ATAD5: variants seen among roughly 807,000 people sequenced by gnomAD.
ATAD5 encodes the protein ATPase family AAA domain-containing protein 5.
In ATAD5, 58 loss-of-function variants were observed where a neutral mutation model predicts 176.9. That is an observed-to-expected ratio of 0.33 (90% CI 0.27 to 0.41). The LOEUF is 0.41. Ranked by LOEUF, ATAD5 falls within the 10% of genes least tolerant of loss-of-function variation. ATAD5 has a pLI of 1.00. For missense variants in ATAD5, 1,789 were observed against 2,094.1 expected (o/e 0.85, Z 2.84); for synonymous variants, 640 against 712.6 (o/e 0.90, Z 1.62).
In ATAD5 at chr17:30,893,446, A is replaced by G; in HGVS notation, c.4593A>G (p.Pro1531=). The change falls in exon 21 of 23, where the codon CCA becomes CCG. Residue 1531 remains proline (P), a synonymous_variant. Transcript: ENST00000321990. ...TIPETKNFCG[P]SVTVDASAAT... is the part of the protein sequence containing the mutation. ...CAGAAACTAAAAACTTTTGTGGCCC[A>G]TCAGTAACTGTGGATGCCAGTGCAG... The G allele has an allele frequency of 6.2e-7, 1 of 1,613,962 alleles. No individual in the cohort carries two copies. The highest frequency in any genetic ancestry group is 2.2e-5 in the East Asian group (1 of 44,868).
chr17:30,833,590 T>C (rs1905510695), intron 1 of ATAD5, among the ~76,000 whole-genome samples: 1 of 152,228 alleles, frequency 6.6e-6, no homozygotes, highest in African/African-American at 2.4e-5. Flanking sequence ...TTAACTTAGA[T>C]TTGCCTGACT....
rs567444847 is a variant in ATAD5 at position 30,838,766 on chromosome 17, A to G, written c.2076+1452A>G. On this transcript the variant is annotated intron_variant, in intron 3 of 22. Transcript: ENST00000321990. ...GTACTACTTAAAATTGGGATTTAATAGTAAATTTTCCAGCAAGAGAAGTCT... is the reference window on the plus strand; with the variant it reads ...GTACTACTTAAAATTGGGATTTAATGGTAAATTTTCCAGCAAGAGAAGTCT... Among the ~76,000 whole-genome samples, 3 of 152,334 alleles carry G rather than the reference A, an allele frequency of 2.0e-5. No homozygotes were observed. The East Asian group carries it at 5.8e-4, about 29-fold the overall frequency.
intron 14 of ATAD5, among the ~76,000 whole-genome samples, chr17:30,873,935 G>A (rs972095303): frequency 1.3e-5 from 2 of 152,082 alleles, no homozygotes; most frequent in African/African-American, 2.4e-5. Flanking sequence ...GGGAGGCTGA[G>A]GCAGGTGGAT....
At chr17:30,877,973 T>C (rs1177136111) in intron 16 of ATAD5, 30 bp from the exon 17 acceptor site, 2 of 1,375,808 alleles carry the variant, frequency 1.5e-6, no homozygotes. Flanking sequence ...AGTAAGTGTA[T>C]TAATATATTA....
intron 18 of ATAD5, among the ~76,000 whole-genome samples, chr17:30,885,669 T>C (rs1213614193): frequency 2.0e-5 from 3 of 146,798 alleles, no homozygotes; most frequent in Non-Finnish European, 4.5e-5. Flanking sequence ...AGTTCGCTCT[T>C]GTCGCCCAGG....
intron 6 of ATAD5, among the ~76,000 whole-genome samples, chr17:30,850,875 T>A (rs1278748571): frequency 0.018 from 426 of 23,664 alleles, no homozygotes; most frequent in South Asian, 0.03. Context: ...ATATATTTTT[T>A]TTTTTTTTTT....
At chr17:30,860,187 C>A (rs1270373591) in intron 9 of ATAD5, among the ~76,000 whole-genome samples, 3 of 152,112 alleles carry the variant, frequency 2.0e-5, no homozygotes, top group African/African-American at 7.2e-5. Flanking sequence ...CCACCCCTGG[C>A]TGATTTTTGT....
At chr17:30,851,222 T>C (rs76128661) in intron 6 of ATAD5, among the ~76,000 whole-genome samples, 19,626 of 147,830 alleles carry the variant, frequency 0.13, 1,430 homozygotes, top group South Asian at 0.25. Flanking sequence ...CTGAGCTGGG[T>C]GCGGTGGCTC....
chr17:30,895,022 A>G lies in ATAD5; in HGVS notation c.*109A>G. 1.5e-6 allele frequency: 1 copy of G among 668,104 alleles called. No individual in the cohort carries two copies. Among genetic ancestry groups the G allele is most frequent in the Non-Finnish European group, 2.3e-6 (1 of 443,364 alleles). 41.4% of individuals were successfully genotyped at this position (668,104 alleles called of 1,614,324 possible). A position where few individuals can be genotyped will look rare whatever the true frequency, so the allele number is the denominator to read the frequency against. On this transcript the variant is annotated 3_prime_UTR_variant, in exon 23 of 23. Coordinates refer to ENST00000321990, the MANE Select transcript of ATAD5 (RefSeq NM_024857.5). ...GTATATTTCTCGATGTACATTTTAA[A>G]CAAACAATTTGTATATTTTTTTATT...
intron 18 of ATAD5, among the ~76,000 whole-genome samples, chr17:30,885,161 G>A (rs1423385366): frequency 1.3e-5 from 2 of 152,074 alleles, no homozygotes; most frequent in African/African-American, 4.8e-5. Context: ...GGTTTCTTAG[G>A]TTTTTCTTTG....
chr17:30,867,802 G>A (rs544610475), intron 11 of ATAD5, among the ~76,000 whole-genome samples: 36 of 152,166 alleles, frequency 2.4e-4, no homozygotes, highest in African/African-American at 8.4e-4. Context: ...GACAGGTTTC[G>A]CTGTGTTGCC....
rs1344834253 is a variant in ATAD5, at chr17:30,855,386, C to G, written c.2635+59C>G. 3.4e-6 allele frequency: 5 copies of G among 1,454,060 alleles called. No individual in the cohort carries two copies. The African/African-American group carries it at 5.7e-5, about 17-fold the overall frequency. The allele number at this position is 1,454,060 out of a possible 1,614,324, so 90.1% of individuals were successfully genotyped here. On this transcript the variant is annotated intron_variant, in intron 7 of 22. Coordinates refer to ENST00000321990, the MANE Select transcript of ATAD5 (RefSeq NM_024857.5). ...TTCAGCTGTTAGCAGGAACATTAAACTATGTAAGTTTCTTAAAGATGAGGC... is the reference window on the plus strand; with the variant it reads ...TTCAGCTGTTAGCAGGAACATTAAAGTATGTAAGTTTCTTAAAGATGAGGC...
chr17:30,873,281 C>A (rs1347089323), intron 14 of ATAD5, among the ~76,000 whole-genome samples: 1 of 150,398 alleles, frequency 6.6e-6, no homozygotes, highest in African/African-American at 2.4e-5. Flanking sequence ...TTAGCTGTTT[C>A]TGCAAGAAGG....
At chr17:30,876,702 CTTTTTTTT>C (rs202065630) in intron 15 of ATAD5, 152 bp downstream of exon 15, 20 of 127,764 alleles carry the variant, frequency 1.6e-4, no homozygotes, top group South Asian at 3.8e-4. Context: ...ATTTTGTTTC[CTTTTTTTT>C]TTTTTTTTTT....
Position 30,893,951 on chromosome 17 carries a change from T to C in ATAD5, c.5098T>C (p.Trp1700Arg). 1 of 1,614,102 alleles carries C rather than the reference T, an allele frequency of 6.2e-7. No homozygotes were observed. ...GTTTAGTCTTGAGAGTAATGATGGA[T>C]GGACTTCTCAAAGCTCTGGAGAATT... ...DEFSLESNDG[W>R]TSQSSGELKA... Residue 1700 changes from tryptophan (W) to arginine (R), a missense_variant, in exon 21 of 23, where the codon TGG becomes CGG. By Grantham distance (101) the Trp-to-Arg change is moderately radical. Around this residue, in one of 6 missense-constraint regions of ATAD5, gnomAD observed 403 missense variants for 495.1 expected, o/e 0.81. Coordinates refer to ENST00000321990, the MANE Select transcript of ATAD5 (RefSeq NM_024857.5).
intron 6 of ATAD5, among the ~76,000 whole-genome samples, chr17:30,851,639 A>G (rs953524559): frequency 3.3e-5 from 5 of 152,022 alleles, no homozygotes; most frequent in East Asian, 1.9e-4. Flanking sequence ...TTGGAGTGCA[A>G]TGGCACTATC....
In ATAD5 at chr17:30,834,528, T is replaced by C; in HGVS notation, c.447T>C (p.Asn149=). The C allele has an allele frequency of 1.9e-6, 3 of 1,589,646 alleles. No individual in the cohort carries two copies. The highest frequency in any genetic ancestry group is 1.4e-5 in the African/African-American group (1 of 73,276). The part of the protein sequence containing the change: ...DDSKEDYSLN[N]DFVESSTSVL... ...GCAAAGAAGACTATAGTTTAAATAATGATTTTGTGGAAAGTAGTACTTCTG... is the reference window on the plus strand; with the variant it reads ...GCAAAGAAGACTATAGTTTAAATAACGATTTTGTGGAAAGTAGTACTTCTG... Residue 149 remains asparagine (N), a synonymous_variant, in exon 2 of 23, where the codon AAT becomes AAC. Coordinates refer to ENST00000321990, the MANE Select transcript of ATAD5 (RefSeq NM_024857.5).
At chr17:30,871,303 A>G (rs759875036) in intron 14 of ATAD5, among the ~76,000 whole-genome samples, 1 of 151,146 alleles carries the variant, frequency 6.6e-6, no homozygotes. Flanking sequence ...GAATACAGTT[A>G]TAACAACTGT....
chr17:30,845,009 C>G, intron 6 of ATAD5, 93 bp downstream of exon 6: 1 of 1,129,360 alleles, frequency 8.9e-7, no homozygotes, highest in Non-Finnish European at 1.3e-6. Flanking sequence ...TGTGAATTAT[C>G]ATTTGAAGCT....
Sources: allele counts gnomAD v4.1 joint callset (sites outside exome capture counted in the v4.1 genomes callset), GRCh38; gene constraint gnomAD v4.1.1; regional missense constraint gnomAD v4.1.1; transcripts MANE v1.5; gene names NCBI Gene and HGNC (gene_info 2026-07-23, HGNC 2026-07-21).